The following GULP1 variants were observed in gnomAD, a reference collection of about 807,000 sequenced individuals.
The protein encoded by GULP1 is PTB domain-containing engulfment adapter protein 1.
GULP1 carries 19 observed loss-of-function variants against 40.9 expected under a neutral mutation model. The observed-to-expected ratio is 0.46, with a 90% CI of 0.32 to 0.68. The LOEUF is 0.68. Ranked by LOEUF, GULP1 falls within the 30% of genes least tolerant of loss-of-function variation. The pLI is 0.03. For synonymous variants in GULP1, 119 were observed against 117.6 expected (o/e 1.01, Z -0.08); for missense variants, 312 against 362.2 (o/e 0.86, Z 1.12).
rs989055775 is a variant in GULP1 at position 188,292,248 on chromosome 2, T to C, written c.-172+82T>C. On this transcript the variant is annotated intron_variant, in intron 1 of 11. Transcript: ENST00000409830. This position sits in a 1 kb window ranked among gnomAD's most constrained non-coding sequence, Gnocchi z 4.0. Reference sequence around the variant, plus strand: ...GCGTGGAATCGCTTAGAAGCTGATATCCCGAGGGGCGGTGGGGGTGGACAG... The same window carrying C: ...GCGTGGAATCGCTTAGAAGCTGATACCCCGAGGGGCGGTGGGGGTGGACAG... The C allele has an allele frequency of 6.6e-6, 1 of 152,374 alleles. No homozygotes were observed. The highest frequency in any genetic ancestry group is 1.5e-5 in the Non-Finnish European group (1 of 68,202). 9.4% of individuals were successfully genotyped at this position (152,374 alleles called of 1,614,324 possible). A position where few individuals can be genotyped will look rare whatever the true frequency, so the allele number is the denominator to read the frequency against.
At chr2:188,297,867 A>C (rs1248302109) in intron 1 of GULP1, among the ~76,000 whole-genome samples, 1 of 152,132 alleles carries the variant, frequency 6.6e-6, no homozygotes. Context: ...CAAACGTGCA[A>C]ATTTGGGATA....
intron 2 of GULP1, among the ~76,000 whole-genome samples, chr2:188,438,481 AC>A (rs2057627909): frequency 6.6e-6 from 1 of 150,884 alleles, no homozygotes; most frequent in Non-Finnish European, 1.5e-5. Flanking sequence ...CAGTATATTA[AC>A]ATAACAATTA....
chr2:188,295,492 T>G (rs1291216561), intron 1 of GULP1, among the ~76,000 whole-genome samples: 1 of 152,200 alleles, frequency 6.6e-6, no homozygotes, highest in Non-Finnish European at 1.5e-5. Flanking sequence ...TCATTGTTGA[T>G]TCATTATGAT....
intron 4 of GULP1, among the ~76,000 whole-genome samples, chr2:188,493,743 A>G (rs1022221399): frequency 6.6e-6 from 1 of 152,234 alleles, no homozygotes; most frequent in East Asian, 1.9e-4. Context: ...ATCTGGCTTC[A>G]GCAAGAAAGG....
At chr2:188,542,436 C>A (rs1232898634) in intron 7 of GULP1, among the ~76,000 whole-genome samples, 2 of 152,050 alleles carry the variant, frequency 1.3e-5, no homozygotes, top group East Asian at 3.9e-4. Flanking sequence ...ACTCCTACAT[C>A]AAGTGGACAA....
intron 1 of GULP1, among the ~76,000 whole-genome samples, chr2:188,383,130 T>C (rs978324909): frequency 5.9e-5 from 9 of 152,194 alleles, no homozygotes; most frequent in African/African-American, 2.2e-4. Flanking sequence ...TTTGAACTTA[T>C]GTCAGCGGTA....
intron 5 of GULP1, among the ~76,000 whole-genome samples, chr2:188,528,444 AT>A (rs1240064205): frequency 6.6e-6 from 1 of 152,028 alleles, no homozygotes; most frequent in Admixed American, 6.6e-5. Flanking sequence ...TCGAACAAGC[AT>A]TTACATACAC....
chr2:188,331,184 A>T (rs2041526469), intron 1 of GULP1, among the ~76,000 whole-genome samples: 1 of 152,080 alleles, frequency 6.6e-6, no homozygotes, highest in African/African-American at 2.4e-5. Context: ...TTAATTATAG[A>T]GTCTTAGGAT....
rs376293315 is a variant in GULP1, at chr2:188,411,669, A to G, written c.-45+27780A>G. Among the ~76,000 whole-genome samples, 17 of 152,290 alleles carry G rather than the reference A, an allele frequency of 1.1e-4. No homozygotes were observed. The East Asian group carries it at 2.3e-3, about 21-fold the overall frequency. The stretch of plus-strand genomic sequence containing the variant: ...TTTCATCCACATACCTCTTCCCCAA[A>G]TGTCCTTGTTTCCAATTTTTCAATC... On this transcript the variant is annotated intron_variant, in intron 2 of 11. Transcript: ENST00000409830.
chr2:188,331,783 A>C (rs1039666138), intron 1 of GULP1, among the ~76,000 whole-genome samples: 3 of 152,294 alleles, frequency 2.0e-5, no homozygotes, highest in Admixed American at 2.0e-4. Context: ...TTATACTTTT[A>C]CTTATTTTTA....
intron 1 of GULP1, among the ~76,000 whole-genome samples, chr2:188,354,796 A>G (rs1056261686): frequency 6.6e-6 from 1 of 152,250 alleles, no homozygotes; most frequent in Non-Finnish European, 1.5e-5. Context: ...ATCATATGTT[A>G]GATGAAAAAA....
At chr2:188,415,536 T>C (rs983980171) in intron 2 of GULP1, among the ~76,000 whole-genome samples, 1 of 149,548 alleles carries the variant, frequency 6.7e-6, no homozygotes, top group African/African-American at 2.5e-5. Context: ...TTGGGGAAAA[T>C]GTTAACATCT....
intron 2 of GULP1, among the ~76,000 whole-genome samples, chr2:188,396,768 C>G (rs2051332427): frequency 6.6e-6 from 1 of 152,224 alleles, no homozygotes; most frequent in South Asian, 2.1e-4. Flanking sequence ...GGGAACTTCT[C>G]TCAACCTGCC....
At chr2:188,568,998 A>G (rs1161388638) in intron 7 of GULP1, among the ~76,000 whole-genome samples, 1 of 152,090 alleles carries the variant, frequency 6.6e-6, no homozygotes, top group Non-Finnish European at 1.5e-5. Flanking sequence ...TTCAACAGCT[A>G]TTCAGTAATA....
At chr2:188,313,177 G>A (rs1207640711) in intron 1 of GULP1, among the ~76,000 whole-genome samples, 2 of 152,080 alleles carry the variant, frequency 1.3e-5, no homozygotes, top group African/African-American at 4.8e-5. Context: ...TGACGTTTTT[G>A]TTATGAAGTC....
At chr2:188,484,839 T>G (rs1334188052) in intron 4 of GULP1, among the ~76,000 whole-genome samples, 1 of 152,166 alleles carries the variant, frequency 6.6e-6, no homozygotes, top group Admixed American at 6.6e-5. Context: ...CAAAGAAATC[T>G]GAAATATTTT....
intron 11 of GULP1, chr2:188,589,603 C>G (rs1431180937): frequency 2.4e-6 from 1 of 420,366 alleles, no homozygotes; most frequent in Non-Finnish European, 4.3e-6. Context: ...TTTGTTGAAA[C>G]CAAGTGTGAG....
At chr2:188,444,155 G>A (rs1470309086) in intron 2 of GULP1, among the ~76,000 whole-genome samples, 1 of 152,060 alleles carries the variant, frequency 6.6e-6, no homozygotes, top group South Asian at 2.1e-4. Context: ...CAAATTTGCT[G>A]TTCTCCAAGG....
intron 9 of GULP1, among the ~76,000 whole-genome samples, chr2:188,574,973 G>A (rs1320530490): frequency 1.3e-5 from 2 of 152,140 alleles, no homozygotes; most frequent in African/African-American, 2.4e-5. Flanking sequence ...TCTAAGGGAA[G>A]GTTGCTATTT....
Sources: allele counts gnomAD v4.1 joint callset (sites outside exome capture counted in the v4.1 genomes callset), GRCh38; gene constraint gnomAD v4.1.1; non-coding constraint Gnocchi (gnomAD v3.1); transcripts MANE v1.5; gene names NCBI Gene and HGNC (gene_info 2026-07-23, HGNC 2026-07-21).